Variants in CNTNAP2 observed in about 807,000 individuals in gnomAD.
The protein encoded by CNTNAP2 is contactin-associated protein-like 2.
Under a neutral mutation model 155.2 loss-of-function variants are expected in CNTNAP2, and 98 were observed. The ratio of observed to expected loss-of-function variants is 0.63; its 90% CI spans 0.54 to 0.75. The LOEUF (loss-of-function observed/expected upper bound fraction) is 0.75, where lower values mean the gene tolerates loss of function less well. Among genes scored for constraint, CNTNAP2 ranks in the 30% least tolerant of loss-of-function variants. The pLI, the probability that CNTNAP2 is intolerant of heterozygous loss-of-function variation, is 0.00. For missense variants in CNTNAP2, 1,727 were observed against 1,688.1 expected (o/e 1.02, Z -0.40); for synonymous variants, 651 against 631.2 (o/e 1.03, Z -0.47).
intron 13 of CNTNAP2, among the ~76,000 whole-genome samples, chr7:147,776,051 C>G (rs1350196258): frequency 6.6e-6 from 1 of 152,106 alleles, no homozygotes; most frequent in East Asian, 1.9e-4. Flanking sequence ...ATCCCTGGAA[C>G]TGTTCCCTAG....
At chr7:147,921,575 A>G (rs1800281245) in intron 14 of CNTNAP2, among the ~76,000 whole-genome samples, 1 of 152,192 alleles carries the variant, frequency 6.6e-6, no homozygotes, top group Admixed American at 6.5e-5. Flanking sequence ...GTTATGCACA[A>G]GGTAGTCTGC....
intron 8 of CNTNAP2, chr7:147,161,637 G>A (rs1802026390): frequency 7.4e-6 from 1 of 135,236 alleles, no homozygotes; most frequent in Admixed American, 7.6e-5. Flanking sequence ...TCTCTCATAG[G>A]GTACGCTGGC....
At chr7:147,256,787 G>C (rs1804338313) in intron 8 of CNTNAP2, among the ~76,000 whole-genome samples, 1 of 152,082 alleles carries the variant, frequency 6.6e-6, no homozygotes, top group African/African-American at 2.4e-5. Flanking sequence ...CATTGAACTT[G>C]GTGTCATCTG....
chr7:147,091,886 G>A (rs1263018125), intron 4 of CNTNAP2, among the ~76,000 whole-genome samples: 7 of 152,044 alleles, frequency 4.6e-5, no homozygotes, highest in African/African-American at 9.7e-5. Context: ...GATTACAGGC[G>A]TGAGCCACCG....
intron 1 of CNTNAP2, among the ~76,000 whole-genome samples, chr7:146,534,715 A>G (rs1255458983): frequency 6.6e-6 from 1 of 151,890 alleles, no homozygotes; most frequent in Non-Finnish European, 1.5e-5. Context: ...TTAACTTCCT[A>G]CAATTTAGAC....
chr7:147,287,431 C>T (rs565495481), intron 8 of CNTNAP2, among the ~76,000 whole-genome samples: 1 of 152,048 alleles, frequency 6.6e-6, no homozygotes, highest in Non-Finnish European at 1.5e-5. Flanking sequence ...AGGAATTGCA[C>T]AGATGGGCCT....
chr7:147,215,605 A>G (rs1349022338), intron 8 of CNTNAP2, among the ~76,000 whole-genome samples: 2 of 152,108 alleles, frequency 1.3e-5, no homozygotes, highest in Non-Finnish European at 2.9e-5. Context: ...AGAAATCTTC[A>G]TTGCTTCCAA....
chr7:147,714,480 G>C (rs1205371524), intron 13 of CNTNAP2, among the ~76,000 whole-genome samples: 1 of 152,002 alleles, frequency 6.6e-6, no homozygotes, highest in Non-Finnish European at 1.5e-5. Context: ...AAAGACAAGA[G>C]GGAGCAAGAA....
intron 21 of CNTNAP2, among the ~76,000 whole-genome samples, chr7:148,292,447 G>A (rs554850323): frequency 7.2e-5 from 11 of 152,294 alleles, no homozygotes; most frequent in African/African-American, 2.2e-4. Context: ...ATGAAAACAC[G>A]TGCCTCTGAT....
At chr7:147,615,992 C>T (rs1000737596) in intron 12 of CNTNAP2, among the ~76,000 whole-genome samples, 4 of 152,100 alleles carry the variant, frequency 2.6e-5, no homozygotes, top group Non-Finnish European at 5.9e-5. Context: ...TCTCCCACCT[C>T]AGTAAATGGT....
intron 21 of CNTNAP2, among the ~76,000 whole-genome samples, chr7:148,292,711 C>G (rs1019632730): frequency 6.6e-6 from 1 of 152,102 alleles, no homozygotes; most frequent in Admixed American, 6.5e-5. Context: ...AGAGATGGCT[C>G]GTGAACCCAA....
chr7:146,634,526 A>G (rs1218064913), intron 1 of CNTNAP2, among the ~76,000 whole-genome samples: 1 of 152,220 alleles, frequency 6.6e-6, no homozygotes, highest in Admixed American at 6.5e-5. Flanking sequence ...CTATAAACAA[A>G]TAAAGAAATT....
At chr7:147,272,133 T>C (rs1361016503) in intron 8 of CNTNAP2, among the ~76,000 whole-genome samples, 1 of 152,130 alleles carries the variant, frequency 6.6e-6, no homozygotes, top group Non-Finnish European at 1.5e-5. Flanking sequence ...CTTCAGGTAA[T>C]CTGCCTGCCT....
At chr7:147,320,583 A>G (rs1006647647) in intron 9 of CNTNAP2, among the ~76,000 whole-genome samples, 3 of 152,220 alleles carry the variant, frequency 2.0e-5, no homozygotes, top group Non-Finnish European at 4.4e-5. Flanking sequence ...ACAGAACTCT[A>G]CGTCAGGTCA....
chr7:147,396,179 TA>T (rs1796812472), intron 10 of CNTNAP2, among the ~76,000 whole-genome samples: 1 of 56,532 alleles, frequency 1.8e-5, no homozygotes, highest in South Asian at 4.7e-4. Context: ...TATATATATA[TA>T]GCATATATAT....
chr7:148,298,281 T>C (rs1486745621), intron 21 of CNTNAP2, among the ~76,000 whole-genome samples: 2 of 152,102 alleles, frequency 1.3e-5, no homozygotes, highest in East Asian at 1.9e-4. Flanking sequence ...GGTAAGTGAA[T>C]AGATAATGCC....
intron 3 of CNTNAP2, among the ~76,000 whole-genome samples, chr7:146,914,204 G>T (rs1164023247): frequency 6.6e-6 from 1 of 151,808 alleles, no homozygotes. Flanking sequence ...TCTTTGACTG[G>T]TGGGCATTTG....
intron 12 of CNTNAP2, among the ~76,000 whole-genome samples, chr7:147,636,599 T>C (rs61449201): frequency 0.066 from 10,004 of 151,992 alleles, 1,097 homozygotes; most frequent in African/African-American, 0.23. Flanking sequence ...CCATTTACCC[T>C]GCACCCCCCA....
chr7:146,475,425 A>G (rs1420920885), intron 1 of CNTNAP2, among the ~76,000 whole-genome samples: 2 of 152,216 alleles, frequency 1.3e-5, no homozygotes, highest in African/African-American at 2.4e-5. Flanking sequence ...ACCTATTTCA[A>G]TGAATGAAGT....
Sources: gnomAD v4.1 joint callset for allele counts (sites outside exome capture counted in the v4.1 genomes callset) on GRCh38, gnomAD v4.1.1 for gene constraint, MANE v1.5 for transcripts, NCBI Gene and HGNC (gene_info 2026-07-23, HGNC 2026-07-21) for gene names.